GIPC2: variants seen among roughly 807,000 people sequenced by gnomAD.
GIPC2 encodes GIPC PDZ domain containing family member 2.
Under a neutral mutation model 30.6 loss-of-function variants are expected in GIPC2, and 30 were observed. That is an observed-to-expected ratio of 0.98 (90% CI 0.73 to 1.33). The LOEUF is 1.33. Among genes scored for constraint, GIPC2 ranks in the 40% most tolerant of loss-of-function variants. GIPC2 has a pLI of 0.00. For synonymous variants in GIPC2, 167 were observed against 150.0 expected (o/e 1.11, Z -0.83); for missense variants, 414 against 390.3 (o/e 1.06, Z -0.51).
rs1435555402 is a variant in GIPC2, at chr1:78,137,945, A to G, written c.*2202A>G. ...CAAATCACTTTTTAAAAAACATTCC[A>G]TTTTATTGGCATCACTAGATGTTTT... is the stretch of plus-strand genomic sequence containing the variant. On this transcript the variant is annotated 3_prime_UTR_variant, in exon 6 of 6. Transcript: ENST00000370759. 1 of 151,140 alleles carries G rather than the reference A, an allele frequency of 6.6e-6. No homozygotes were observed. Among genetic ancestry groups the G allele is most frequent in the Non-Finnish European group, 1.5e-5 (1 of 67,832 alleles). 9.4% of individuals were successfully genotyped at this position (151,140 alleles called of 1,614,324 possible).
chr1:78,127,947 C>T (rs1487803522), intron 5 of GIPC2, among the ~76,000 whole-genome samples: 1 of 152,088 alleles, frequency 6.6e-6, no homozygotes, highest in Non-Finnish European at 1.5e-5. Context: ...TCTCGTCTGT[C>T]AAAGTGCAGG....
intron 3 of GIPC2, among the ~76,000 whole-genome samples, chr1:78,115,268 T>C (rs1053974264): frequency 2.0e-5 from 3 of 152,200 alleles, no homozygotes; most frequent in Admixed American, 1.3e-4. Context: ...AAAGTCAGAT[T>C]GGCAATATAT....
chr1:78,069,475 C>CTT (rs1167457025), intron 1 of GIPC2, among the ~76,000 whole-genome samples: 2,748 of 127,230 alleles, frequency 0.022, 127 homozygotes, highest in African/African-American at 0.069. Flanking sequence ...CCCTGTAGTA[C>CTT]TTTTTTTTTT....
chr1:78,087,401 A>G (rs1295025016), intron 2 of GIPC2, among the ~76,000 whole-genome samples: 1 of 152,208 alleles, frequency 6.6e-6, no homozygotes, highest in Admixed American at 6.5e-5. Context: ...AAACAGGCAC[A>G]TAGACCAATG....
At chr1:78,120,238 C>T (rs927975691) in intron 4 of GIPC2, among the ~76,000 whole-genome samples, 1 of 152,342 alleles carries the variant, frequency 6.6e-6, no homozygotes, top group Middle Eastern at 3.4e-3. Context: ...TCTCTGTTCT[C>T]ATTTCCCATC....
intron 5 of GIPC2, among the ~76,000 whole-genome samples, chr1:78,129,499 A>T (rs1010605650): frequency 7.9e-5 from 12 of 152,236 alleles, no homozygotes; most frequent in African/African-American, 2.9e-4. Context: ...CAACAACGTG[A>T]CTTAAAACAC....
intron 2 of GIPC2, among the ~76,000 whole-genome samples, chr1:78,082,132 T>G (rs180901301): frequency 2.6e-5 from 4 of 152,250 alleles, no homozygotes; most frequent in Admixed American, 2.0e-4. Context: ...AGGTACTATT[T>G]CCAACCTTAT....
At chr1:78,080,162 A>G (rs559052808) in intron 1 of GIPC2, among the ~76,000 whole-genome samples, 11 of 152,306 alleles carry the variant, frequency 7.2e-5, no homozygotes, top group Admixed American at 5.9e-4. Flanking sequence ...CCAACTTTCA[A>G]ATATAGGCTT....
chr1:78,062,864 A>T (rs1661420044), intron 1 of GIPC2, among the ~76,000 whole-genome samples: 1 of 152,126 alleles, frequency 6.6e-6, no homozygotes, highest in South Asian at 2.1e-4. Context: ...CGGAAATGGT[A>T]ATTCTTGCTA....
intron 3 of GIPC2, among the ~76,000 whole-genome samples, chr1:78,101,222 G>C (rs1662244436): frequency 6.6e-6 from 1 of 152,106 alleles, no homozygotes; most frequent in African/African-American, 2.4e-5. Flanking sequence ...CTTTATCCAA[G>C]TACTCAAGAT....
intron 1 of GIPC2, among the ~76,000 whole-genome samples, chr1:78,067,493 C>A (rs1661540664): frequency 6.6e-6 from 1 of 151,700 alleles, no homozygotes; most frequent in Non-Finnish European, 1.5e-5. Context: ...GCTCTGTTAC[C>A]CAGGCTGAAG....
Position 78,046,215 on chromosome 1 carries a change from A to C in GIPC2, c.121A>C (p.Arg41=). Residue 41 remains arginine, a synonymous_variant, in exon 1 of 6, where the codon AGG becomes CGG. Transcript: ENST00000370759. ...SLSASRAPAR[R]LVFHAQLAHG... ...CTCAGCGTCCCGGGCTCCCGCACGCAGGCTGGTCTTCCACGCGCAGCTGGC... is the reference window on the plus strand; with the variant it reads ...CTCAGCGTCCCGGGCTCCCGCACGCCGGCTGGTCTTCCACGCGCAGCTGGC... The C allele has an allele frequency of 6.3e-7, 1 of 1,598,758 alleles. No individual in the cohort carries two copies. The highest frequency in any genetic ancestry group is 8.5e-7 in the Non-Finnish European group (1 of 1,173,984).
chr1:78,090,521 A>G (rs778824068), intron 2 of GIPC2, among the ~76,000 whole-genome samples: 23 of 152,318 alleles, frequency 1.5e-4, no homozygotes, highest in Non-Finnish European at 2.2e-4. Context: ...AATTTAAAAT[A>G]AAAATAAGGA....
intron 3 of GIPC2, among the ~76,000 whole-genome samples, chr1:78,110,204 ATAAT>A (rs1196130089): frequency 6.6e-6 from 1 of 152,120 alleles, no homozygotes; most frequent in Non-Finnish European, 1.5e-5. Flanking sequence ...GAAACAGCCT[ATAAT>A]GCTTGATAGG....
rs1016890252 is a variant in GIPC2 at position 78,092,038 on chromosome 1, G to A, written c.427-2914G>A. The A allele has an allele frequency of 1.3e-5, 20 of 1,530,234 alleles. No individual in the cohort carries two copies. The African/African-American group carries it at 2.1e-4, about 16-fold the overall frequency. The allele number at this position is 1,530,234 out of a possible 1,614,324, so 94.8% of individuals were successfully genotyped here. A position where few individuals can be genotyped will look rare whatever the true frequency, so the allele number is the denominator to read the frequency against. On this transcript the variant is annotated intron_variant, in intron 2 of 5. Transcript: ENST00000370759. ...CTTCATCAGGACTCATCGCCCTCCTGTCTACTGGCTCCAAGTAGACCATGT... is the reference window on the plus strand; with the variant it reads ...CTTCATCAGGACTCATCGCCCTCCTATCTACTGGCTCCAAGTAGACCATGT...
Position 78,080,791 on chromosome 1 carries a change from T to C in GIPC2, c.357T>C (p.Asn119=). 1 of 1,610,176 alleles carries C rather than the reference T, an allele frequency of 6.2e-7. No homozygotes were observed. ...AHVKGIEKEV[N]VYKSEDSLGL... is the part of the protein sequence containing the mutation. ...TGAAAGGAATCGAAAAAGAAGTGAA[T>C]GTGTATAAATCTGAGGATTCACTTG... is the stretch of plus-strand genomic sequence containing the variant. Residue 119 remains asparagine (N), a synonymous_variant, in exon 2 of 6, where the codon AAT becomes AAC. Transcript: ENST00000370759.
At chr1:78,125,800 C>A in intron 4 of GIPC2, 81 bp from the exon 5 acceptor site, 2 of 745,398 alleles carry the variant, frequency 2.7e-6, no homozygotes, top group Non-Finnish European at 4.8e-6. Flanking sequence ...ACCGGCTCCA[C>A]ATCAGGCTTT....
chr1:78,061,483 GTTTTTTTTTGTTTGT>G (rs1396744230), intron 1 of GIPC2, among the ~76,000 whole-genome samples: 2 of 150,384 alleles, frequency 1.3e-5, no homozygotes, highest in East Asian at 2.0e-4. Flanking sequence ...TGGTAGAATG[GTTTTTTTTTGTTTGT>G]TTTTTTTTTG....
chr1:78,087,905 C>T (rs1661961684), intron 2 of GIPC2, among the ~76,000 whole-genome samples: 2 of 151,242 alleles, frequency 1.3e-5, no homozygotes, highest in Admixed American at 1.3e-4. Context: ...GGAAAGTTAC[C>T]AGAAAAAAAA....
Sources: gnomAD v4.1 joint callset for allele counts (sites outside exome capture counted in the v4.1 genomes callset) on GRCh38, gnomAD v4.1.1 for gene constraint, MANE v1.5 for transcripts, NCBI Gene and HGNC (gene_info 2026-07-23, HGNC 2026-07-21) for gene names.